HIF3A: variants seen among roughly 807,000 people sequenced by gnomAD.
HIF3A encodes hypoxia-inducible factor 3-alpha.
HIF3A carries 41 observed loss-of-function variants against 67.2 expected under a neutral mutation model. The ratio of observed to expected loss-of-function variants is 0.61; its 90% confidence interval spans 0.48 to 0.79. The LOEUF (loss-of-function observed/expected upper bound fraction) is 0.79, where lower values mean the gene tolerates loss of function less well. Among genes scored for constraint, HIF3A ranks in the 30% least tolerant of loss-of-function variants. HIF3A has a pLI of 0.00. For missense variants in HIF3A, 855 were observed against 898.0 expected (o/e 0.95, Z 0.61); for synonymous variants, 356 against 374.8 (o/e 0.95, Z 0.58).
intron 11 of HIF3A, among the ~76,000 whole-genome samples, chr19:46,327,162 AT>A (rs761185748): frequency 1.3e-5 from 2 of 149,126 alleles, no homozygotes; most frequent in African/African-American, 5.0e-5. Context: ...CCCAAAAAAA[AT>A]ATATATATAT....
chr19:46,337,833 C>T (rs1046684351), intron 14 of HIF3A, among the ~76,000 whole-genome samples: 5 of 152,194 alleles, frequency 3.3e-5, no homozygotes, highest in Non-Finnish European at 7.3e-5. Context: ...GTTTATAACA[C>T]TCCATAATTA....
At position 46,303,979 on chromosome 19, in the gene HIF3A, G is replaced by GC; in HGVS notation, c.109dup (p.Leu37ProfsTer95). On this transcript the variant is annotated frameshift_variant, in exon 2 of 15. Transcript: ENST00000377670. LOFTEE classifies it high-confidence loss of function. ...GCCAGGAGACCGAGGTGCTGTACCA[G>GC]CTGGCTCACACGCTGCCCTTCGCCC... The GC allele has an allele frequency of 6.2e-7, 1 of 1,603,232 alleles. No individual in the cohort carries two copies. Among genetic ancestry groups the GC allele is most frequent in the Non-Finnish European group, 8.5e-7 (1 of 1,175,592 alleles).
intron 8 of HIF3A, among the ~76,000 whole-genome samples, chr19:46,313,831 T>G (rs1041280682): frequency 6.6e-6 from 1 of 151,976 alleles, no homozygotes; most frequent in African/African-American, 2.4e-5. Context: ...CCAGCTAATT[T>G]TTATATTTTT....
chr19:46,319,262 C>T (rs1970176899), intron 8 of HIF3A, among the ~76,000 whole-genome samples: 1 of 152,042 alleles, frequency 6.6e-6, no homozygotes, highest in Admixed American at 6.6e-5. Flanking sequence ...TGGCTTTGAT[C>T]CAGCCTAAAT....
chr19:46,311,987 T>G, intron 6 of HIF3A, 174 bp from the exon 7 acceptor site: 1 of 765,460 alleles, frequency 1.3e-6, no homozygotes. Context: ...TGGGGGTCAT[T>G]ATTCAACCCA....
In HIF3A at chr19:46,320,436, A is replaced by G; in HGVS notation, c.1026-7A>G. 1.2e-6 allele frequency: 2 copies of G among 1,609,768 alleles called. No individual in the cohort carries two copies. Among genetic ancestry groups the G allele is most frequent in the South Asian group, 2.2e-5 (2 of 90,976 alleles). ...ACTCCCACCTCCCTTTCTGCCTTGTACCCCAGCCAGGTGGAAGAGACCGGA... is the reference window on the plus strand; with the variant it reads ...ACTCCCACCTCCCTTTCTGCCTTGTGCCCCAGCCAGGTGGAAGAGACCGGA... On this transcript the variant is annotated splice_region_variant and splice_polypyrimidine_tract_variant and intron_variant, in intron 8 of 14. Coordinates refer to ENST00000377670, the MANE Select transcript of HIF3A (RefSeq NM_152795.4).
At chr19:46,335,248 A>C (rs893837639) in intron 14 of HIF3A, among the ~76,000 whole-genome samples, 1 of 85,354 alleles carries the variant, frequency 1.2e-5, no homozygotes, top group Non-Finnish European at 2.3e-5. Flanking sequence ...CTATGATCAC[A>C]TTTATTTATT....
In HIF3A at chr19:46,309,294, A is replaced by G. The variant is rs1278491722; in HGVS notation, c.705A>G (p.Pro235=). Residue 235 remains proline, a synonymous_variant, in exon 6 of 15, where the codon CCA becomes CCG. Transcript: ENST00000377670. ...CCCACCCAGGCAGCCTGGAGCCCCCACTGGGCCGAGGGGCCTTCCTCAGCC... is the reference window on the plus strand; with the variant it reads ...CCCACCCAGGCAGCCTGGAGCCCCCGCTGGGCCGAGGGGCCTTCCTCAGCC... ...AIPHPGSLEP[P]LGRGAFLSRH... 13 of 1,612,972 alleles carry G rather than the reference A, an allele frequency of 8.1e-6. No individual in the cohort carries two copies. The highest frequency in any genetic ancestry group is 1.1e-5 in the South Asian group (1 of 90,942).
At chr19:46,310,827 T>G (rs1441202644) in intron 6 of HIF3A, 1 of 279,170 alleles carries the variant, frequency 3.6e-6, no homozygotes, top group African/African-American at 2.3e-5. Context: ...CTTGGCCCAC[T>G]GCAACGTCCA....
chr19:46,303,649 G>A (rs1215286738), intron 1 of HIF3A: 4 of 1,584,992 alleles, frequency 2.5e-6, no homozygotes, highest in African/African-American at 1.3e-5. Flanking sequence ...ACAGAGAGGA[G>A]CGAGGCGCCA....
chr19:46,316,659 C>T (rs1231234188), intron 8 of HIF3A, among the ~76,000 whole-genome samples: 1 of 151,900 alleles, frequency 6.6e-6, no homozygotes, highest in African/African-American at 2.4e-5. Flanking sequence ...AAAAATTAGC[C>T]AGATGTGGTG....
chr19:46,312,827 G>A, intron 8 of HIF3A, 174 bp downstream of exon 8: 1 of 1,327,886 alleles, frequency 7.5e-7, no homozygotes, highest in Non-Finnish European at 9.6e-7. Flanking sequence ...CCATGTAAAT[G>A]CCGGTGTGTG....
intron 8 of HIF3A, chr19:46,313,048 G>A (rs907305301): frequency 2.9e-5 from 26 of 906,570 alleles, no homozygotes; most frequent in African/African-American, 1.1e-4. Flanking sequence ...TCAGGAGTTC[G>A]AAACCAGCCT....
intron 1 of HIF3A, chr19:46,298,386 G>A (rs749636873): frequency 1.1e-5 from 11 of 986,770 alleles, no homozygotes; most frequent in East Asian, 6.4e-5. Context: ...ACCCAAGGCC[G>A]GCCCTTTCCT....
At chr19:46,301,885 C>T (rs1968370760) in intron 1 of HIF3A, among the ~76,000 whole-genome samples, 1 of 151,434 alleles carries the variant, frequency 6.6e-6, no homozygotes, top group Admixed American at 6.6e-5. Context: ...TGGCTCCCTC[C>T]TAGGGGTCCC....
At chr19:46,298,167 T>G in intron 1 of HIF3A, 1 of 264,908 alleles carries the variant, frequency 3.8e-6, no homozygotes, top group Admixed American at 4.9e-5. Context: ...CCCTGGCTTC[T>G]CAGGCCTGAT....
At chr19:46,307,035 C>A (rs1203525118) in intron 3 of HIF3A, among the ~76,000 whole-genome samples, 2 of 152,102 alleles carry the variant, frequency 1.3e-5, no homozygotes, top group African/African-American at 4.8e-5. Flanking sequence ...CTTACTATTC[C>A]CCTCTTTCTA....
At chr19:46,325,405 G>A (rs548341609) in intron 10 of HIF3A, 130 bp from the exon 11 acceptor site, 44 of 672,814 alleles carry the variant, frequency 6.5e-5, no homozygotes, top group South Asian at 3.7e-4. Context: ...TGCATTTGCC[G>A]TTGGACCCCC....
At chr19:46,321,142 T>C (rs749855143) in intron 9 of HIF3A, among the ~76,000 whole-genome samples, 3 of 152,102 alleles carry the variant, frequency 2.0e-5, no homozygotes, top group Admixed American at 6.6e-5. Flanking sequence ...TCTTAACCTC[T>C]GGGGACCTTA....
Sources: allele counts gnomAD v4.1 joint callset (sites outside exome capture counted in the v4.1 genomes callset), GRCh38; gene constraint gnomAD v4.1.1; transcripts MANE v1.5; gene names NCBI Gene and HGNC (gene_info 2026-07-23, HGNC 2026-07-21).